KNTC1: variants seen among roughly 807,000 people sequenced by gnomAD.
KNTC1 encodes kinetochore-associated protein 1.
KNTC1 carries 253 observed loss-of-function variants against 314.4 expected under a neutral mutation model. The ratio of observed to expected loss-of-function variants is 0.80; its 90% confidence interval spans 0.73 to 0.89. KNTC1 has a LOEUF of 0.89. KNTC1 is among the 40% of genes least tolerant of loss of function. KNTC1 has a pLI of 0.00. For synonymous variants in KNTC1, 901 were observed against 901.4 expected, an observed-to-expected ratio of 1.00 and a Z score of 0.01; for missense variants, 2,475 against 2,572.9, an observed-to-expected ratio of 0.96 and a Z score of 0.82.
chr12:122,575,818 A>G lies in KNTC1; in HGVS notation c.2505A>G (p.Glu835=), dbSNP rs1338580544. 6.2e-7 allele frequency: 1 copy of G among 1,613,086 alleles called. No individual in the cohort carries two copies. Among genetic ancestry groups the G allele is most frequent in the Non-Finnish European group, 8.5e-7 (1 of 1,179,592 alleles). The change falls in exon 29 of 64, where the codon GAA becomes GAG. Residue 835 remains glutamate, a synonymous_variant. Coordinates refer to ENST00000333479, the MANE Select transcript of KNTC1 (RefSeq NM_014708.6). ...MDHPKVKLLQ[E]SYKLMEMKKL... The stretch of plus-strand genomic sequence containing the variant: ...CTTTCAGAGTCAAGTTATTACAGGA[A>G]AGTTACAAACTAATGGAGATGAAAA...
chr12:122,609,329 T>C (rs769892702), intron 51 of KNTC1, 55 bp from the exon 52 acceptor site: 15 of 1,021,134 alleles, frequency 1.5e-5, no homozygotes, highest in Non-Finnish European at 2.2e-5. Flanking sequence ...AGATGAATGT[T>C]TGTTTAGTCA....
intron 40 of KNTC1, among the ~76,000 whole-genome samples, chr12:122,589,128 AT>A (rs1362370070): frequency 4.6e-5 from 7 of 151,842 alleles, no homozygotes; most frequent in African/African-American, 1.7e-4. Flanking sequence ...TAGTATGATC[AT>A]AGTTTGCTAC....
Position 122,585,720 on chromosome 12 carries a change from C to T in KNTC1, c.3619C>T (p.Gln1207Ter). 1 of 1,613,698 alleles carries T rather than the reference C, an allele frequency of 6.2e-7. No individual in the cohort carries two copies. Among genetic ancestry groups the T allele is most frequent in the South Asian group, 1.1e-5 (1 of 91,068 alleles). ...FSEDGIVLES[Q>*]MVLPVIYELI... The stretch of plus-strand genomic sequence containing the variant: ...TGAAGATGGAATTGTTCTTGAGTCA[C>T]AGATGGTGCTTCCAGTGATTTATGA... Residue 1207 changes from glutamine to a stop codon, truncating the protein, a stop_gained, in exon 37 of 64, where the codon CAG (glutamine) becomes TAG (stop). Coordinates refer to ENST00000333479, the MANE Select transcript of KNTC1 (RefSeq NM_014708.6). LOFTEE classifies it high-confidence loss of function.
At chr12:122,533,845 A>G (rs1375306443) in intron 2 of KNTC1, among the ~76,000 whole-genome samples, 5 of 151,112 alleles carry the variant, frequency 3.3e-5, no homozygotes, top group African/African-American at 1.2e-4. Context: ...GTTAACATTT[A>G]TTGAGCATAT....
Position 122,604,911 on chromosome 12 carries a change from A to G in KNTC1, c.5210A>G (p.Lys1737Arg), listed in dbSNP as rs1872410489. ...EKREKAEALL[K>R]KLHIQYRRSG... ...CGTGAAAAAGCCGAGGCTTTGTTGA[A>G]GAAGCTTCATATCCAGTACCGGCGA... is the stretch of plus-strand genomic sequence containing the variant. The change falls in exon 50 of 64, where the codon AAG becomes AGG. Residue 1737 changes from lysine (K) to arginine (R), a missense_variant. By Grantham distance (26) the Lys-to-Arg change is conservative (BLOSUM62 2). Transcript: ENST00000333479. 1 of 1,609,148 alleles carries G rather than the reference A, an allele frequency of 6.2e-7. No individual in the cohort carries two copies. The highest frequency in any genetic ancestry group is 8.5e-7 in the Non-Finnish European group (1 of 1,177,640).
chr12:122,610,961 G>C, intron 53 of KNTC1, 61 bp downstream of exon 53: 1 of 1,215,930 alleles, frequency 8.2e-7, no homozygotes, highest in Non-Finnish European at 1.2e-6. Context: ...TTTTTTTCCT[G>C]TTTATTTACC....
rs757056297 is a variant in KNTC1 at position 122,584,289 on chromosome 12, A to G, written c.3275A>G (p.Lys1092Arg). Reference protein sequence around the residue: ...TALKKCSDLFKYHCNADTGKL... With the variant: ...TALKKCSDLFRYHCNADTGKL... ...TCTTTCTTCCAAAGCGACTTGTTTA[A>G]GTATCACTGCAATGCTGACACTGGG... The change falls in exon 35 of 64, where the codon AAG (lysine) becomes AGG (arginine). Residue 1092 changes from lysine (K) to arginine (R), a missense_variant. Physicochemically the swap from Lys to Arg is conservative, Grantham distance 26. Coordinates refer to ENST00000333479, the MANE Select transcript of KNTC1 (RefSeq NM_014708.6). The G allele has an allele frequency of 1.9e-5, 30 of 1,610,148 alleles. No individual in the cohort carries two copies. Among genetic ancestry groups the G allele is most frequent in the Non-Finnish European group, 2.5e-5 (29 of 1,177,844 alleles).
chr12:122,610,398 C>T (rs1872993692), intron 52 of KNTC1, among the ~76,000 whole-genome samples: 1 of 152,356 alleles, frequency 6.6e-6, no homozygotes, highest in African/African-American at 2.4e-5. Context: ...TGGCCTGATT[C>T]ATCCTCCCTT....
At position 122,605,096 on chromosome 12, in the gene KNTC1, A is replaced by G; in HGVS notation, c.5386+9A>G. On this transcript the variant is annotated intron_variant, in intron 50 of 63. Coordinates refer to ENST00000333479, the MANE Select transcript of KNTC1 (RefSeq NM_014708.6). Reference sequence around the variant, plus strand: ...TGGCACAGATTATCCTGGTGAGGACAAAACAATTTTTTTGTTGTCCAAGAA... The same window carrying G: ...TGGCACAGATTATCCTGGTGAGGACGAAACAATTTTTTTGTTGTCCAAGAA... 1 of 1,597,678 alleles carries G rather than the reference A, an allele frequency of 6.3e-7. No individual in the cohort carries two copies. Among genetic ancestry groups the G allele is most frequent in the Non-Finnish European group, 8.5e-7 (1 of 1,172,010 alleles).
intron 3 of KNTC1, among the ~76,000 whole-genome samples, chr12:122,536,060 A>AT (rs1305873828): frequency 1.4e-5 from 2 of 146,988 alleles, no homozygotes; most frequent in Non-Finnish European, 3.0e-5. Context: ...TGCCTGGGCA[A>AT]TTTTTTGTAT....
intron 1 of KNTC1, among the ~76,000 whole-genome samples, chr12:122,528,761 T>C (rs1961025194): frequency 6.6e-6 from 1 of 152,182 alleles, no homozygotes; most frequent in South Asian, 2.1e-4. Context: ...ATTTCTTATC[T>C]TGCGTAACAG....
intron 33 of KNTC1, among the ~76,000 whole-genome samples, chr12:122,581,813 A>T (rs1011908341): frequency 6.6e-6 from 1 of 152,198 alleles, no homozygotes; most frequent in African/African-American, 2.4e-5. Context: ...AATTTTGTTA[A>T]AATACTTATA....
rs764049017 is a variant in KNTC1 at position 122,585,785 on chromosome 12, T to C, written c.3673+11T>C. On this transcript the variant is annotated intron_variant, in intron 37 of 63. Transcript: ENST00000333479. ...TTGTGCCTCTAGCTGGTAAGTCTTA[T>C]TTGTATCATTATTTTCTATGTGTTT... 6 of 1,612,268 alleles carry C rather than the reference T, an allele frequency of 3.7e-6. No individual in the cohort carries two copies. The highest frequency in any genetic ancestry group is 1.1e-5 in the South Asian group (1 of 91,038).
chr12:122,586,810 ATTTATTTAT>A, intron 38 of KNTC1, 53 bp downstream of exon 38: 4 of 594,952 alleles, frequency 6.7e-6, no homozygotes, highest in Non-Finnish European at 9.4e-6. Context: ...TTATTTATTT[ATTTATTTAT>A]TTTATTTTTT....
intron 43 of KNTC1, 81 bp from the exon 44 acceptor site, chr12:122,597,650 G>C: frequency 8.9e-7 from 1 of 1,128,216 alleles, no homozygotes; most frequent in South Asian, 1.3e-5. Context: ...ATGGAAGCAT[G>C]TACCCAAGTG....
At chr12:122,605,215 ATG>A in intron 50 of KNTC1, 89 bp from the exon 51 acceptor site, 1 of 1,047,420 alleles carries the variant, frequency 9.5e-7, no homozygotes, top group Non-Finnish European at 1.4e-6. Context: ...TTATATGTGT[ATG>A]TATGTGCATA....
In KNTC1 at chr12:122,594,318, A is replaced by G. The variant is rs1476788223; in HGVS notation, c.4288A>G (p.Lys1430Glu). ...TTTCAGGCAACATTTTCTCACCAAGAAAGACCTCATTAAAGCTCTTGTGGA... is the reference window on the plus strand; with the variant it reads ...TTTCAGGCAACATTTTCTCACCAAGGAAGACCTCATTAAAGCTCTTGTGGA... ...PVFRQHFLTK[K>E]DLIKALVENI... The change falls in exon 43 of 64, where the codon AAA (lysine) becomes GAA (glutamate). Residue 1430 changes from lysine to glutamate, a missense_variant. Transcript: ENST00000333479. 6.2e-7 allele frequency: 1 copy of G among 1,611,464 alleles called. No individual in the cohort carries two copies.
intron 56 of KNTC1, 105 bp from the exon 57 acceptor site, chr12:122,615,365 A>C: frequency 1.0e-6 from 1 of 976,046 alleles, no homozygotes; most frequent in Non-Finnish European, 1.5e-6. Flanking sequence ...CATGGAAGAT[A>C]ACGTTTTACC....
At chr12:122,547,095 A>G (rs917032071) in intron 10 of KNTC1, among the ~76,000 whole-genome samples, 1 of 152,020 alleles carries the variant, frequency 6.6e-6, no homozygotes, top group African/African-American at 2.4e-5. Flanking sequence ...TGGCCTCCCA[A>G]AGTGCTGGGA....
Sources: allele counts gnomAD v4.1 joint callset (sites outside exome capture counted in the v4.1 genomes callset), GRCh38; gene constraint gnomAD v4.1.1; transcripts MANE v1.5; gene names NCBI Gene and HGNC (gene_info 2026-07-23, HGNC 2026-07-21).